Variants in TG observed in about 807,000 individuals in gnomAD.
The protein encoded by TG is thyroglobulin.
Under a neutral mutation model 324.7 loss-of-function variants are expected in TG, and 270 were observed. That is an observed-to-expected ratio of 0.83 (90% CI 0.75 to 0.92). The LOEUF is 0.92. TG is among the 40% of genes least tolerant of loss of function. TG has a pLI of 0.00. For missense variants in TG, 3,591 were observed against 3,456.4 expected, an observed-to-expected ratio of 1.04 and a Z score of -0.98; for synonymous variants, 1,401 against 1,327.0, an observed-to-expected ratio of 1.06 and a Z score of -1.21.
At chr8:133,043,531 C>G in intron 41 of TG, among the ~76,000 whole-genome samples, 1 of 152,230 alleles carries the variant, frequency 6.6e-6, no homozygotes, top group East Asian at 1.9e-4. Flanking sequence ...GCTGAACGCA[C>G]TACATGAACG....
intron 41 of TG, among the ~76,000 whole-genome samples, chr8:133,042,736 C>G (rs1280939047): frequency 8.4e-6 from 1 of 119,266 alleles, no homozygotes; most frequent in Non-Finnish European, 1.6e-5. Context: ...CTCTGCCACA[C>G]AAGCTGGAGT....
chr8:132,925,174 T>A (rs1821663718), intron 22 of TG, among the ~76,000 whole-genome samples: 1 of 152,352 alleles, frequency 6.6e-6, no homozygotes, highest in African/African-American at 2.4e-5. Flanking sequence ...ATTGCCAATA[T>A]TTTAGCTGAG....
At position 132,869,710 on chromosome 8, in the gene TG, G is replaced by C; in HGVS notation, c.177-19G>C. 2 of 1,612,856 alleles carry C rather than the reference G, an allele frequency of 1.2e-6. No individual in the cohort carries two copies. The highest frequency in any genetic ancestry group is 2.2e-5 in the East Asian group (1 of 44,870). On this transcript the variant is annotated intron_variant, in intron 2 of 47. Transcript: ENST00000220616. The stretch of plus-strand genomic sequence containing the variant: ...TGGGGGCCCATCCCAGGGTCACCTG[G>C]TCTGTGTCTCCTCCTCAGGACTGTC...
rs557205298 is a variant in TG, at chr8:132,974,208, G to A, written c.6199+1467G>A. ...GGGATTTCACCATGTTAGCCAGGGT[G>A]GCCTTGAACTCCTGACCTCAGGTGA... On this transcript the variant is annotated intron_variant, in intron 34 of 47. Coordinates refer to ENST00000220616, the MANE Select transcript of TG (RefSeq NM_003235.5). 2.0e-5 allele frequency among the ~76,000 whole-genome samples: 3 copies of A among 152,050 alleles called. 1 individual carries two copies. In the South Asian group the frequency reaches 6.2e-4, roughly 32 times the overall value.
intron 41 of TG, among the ~76,000 whole-genome samples, chr8:133,065,768 T>C (rs1445900385): frequency 1.3e-5 from 2 of 150,692 alleles, no homozygotes; most frequent in Non-Finnish European, 3.0e-5. Context: ...GTCTCAAAAA[T>C]AATAAAATAA....
intron 25 of TG, among the ~76,000 whole-genome samples, chr8:132,936,251 G>A (rs1005969328): frequency 1.3e-5 from 2 of 152,196 alleles, no homozygotes; most frequent in African/African-American, 4.8e-5. Context: ...AGGCCCATGC[G>A]GCCCAAGAGG....
At chr8:132,880,215 T>C (rs1324895608) in intron 5 of TG, among the ~76,000 whole-genome samples, 1 of 152,206 alleles carries the variant, frequency 6.6e-6, no homozygotes, top group Non-Finnish European at 1.5e-5. Context: ...ACCCTAGTTC[T>C]CACCACTAGT....
chr8:132,969,298 T>C (rs950736559), intron 31 of TG, among the ~76,000 whole-genome samples, 160 bp from the exon 32 acceptor site: 1 of 152,192 alleles, frequency 6.6e-6, no homozygotes, highest in African/African-American at 2.4e-5. Context: ...GGACTTGCCA[T>C]CATTTTAGTG....
At chr8:132,925,522 T>C (rs970238281) in intron 22 of TG, among the ~76,000 whole-genome samples, 3 of 150,832 alleles carry the variant, frequency 2.0e-5, no homozygotes, top group African/African-American at 4.9e-5. Context: ...AGTGCGTGTG[T>C]GTGTGTGTGT....
chr8:132,928,501 C>G (rs1046962146), intron 22 of TG, among the ~76,000 whole-genome samples: 2 of 152,116 alleles, frequency 1.3e-5, no homozygotes, highest in Non-Finnish European at 2.9e-5. Flanking sequence ...CCTCACTTGT[C>G]TAGTTTTATG....
At chr8:133,049,789 T>C (rs1840069862) in intron 41 of TG, 2 of 788,892 alleles carry the variant, frequency 2.5e-6, no homozygotes, top group Admixed American at 1.9e-5. Flanking sequence ...GGACTATCTC[T>C]TCTTGACCCA....
At chr8:133,112,607 G>A (rs1850352200) in intron 43 of TG, among the ~76,000 whole-genome samples, 1 of 151,734 alleles carries the variant, frequency 6.6e-6, no homozygotes, top group South Asian at 2.1e-4. Context: ...GGAAGGGAGA[G>A]AAAAGGGGAA....
chr8:132,989,624 C>T (rs1298554422), intron 35 of TG, among the ~76,000 whole-genome samples: 2 of 152,198 alleles, frequency 1.3e-5, no homozygotes, highest in Non-Finnish European at 1.5e-5. Flanking sequence ...GCAGTGGCTG[C>T]CCCAACAGCT....
Position 132,941,458 on chromosome 8 carries a change from C to G in TG, c.5149C>G (p.Leu1717Val), listed in dbSNP as rs776192234. The change falls in exon 26 of 48, where the codon CTA (leucine) becomes GTA (valine). Residue 1717 changes from leucine (L) to valine (V), a missense_variant. Transcript: ENST00000220616. ...PIVFSASGAN[L>V]TDAHLFCLLA... ...TGTGTTCTCAGCCTCAGGAGCCAAT[C>G]TAACCGATGCTCACCTCTTCTGTCT... The G allele has an allele frequency of 6.2e-7, 1 of 1,614,210 alleles. No homozygotes were observed. Among genetic ancestry groups the G allele is most frequent in the South Asian group, 1.1e-5 (1 of 91,080 alleles).
Position 132,923,637 on chromosome 8 carries a change from G to A in TG, c.4699+129G>A, listed in dbSNP as rs192329743. On this transcript the variant is annotated intron_variant, in intron 22 of 47. Coordinates refer to ENST00000220616, the MANE Select transcript of TG (RefSeq NM_003235.5). ...TTTTTGTTTTGAAAAATTTTAATCT[G>A]TGTAGAAGTTGGAAGAACCGCAAAA... The A allele has an allele frequency of 5.4e-4, 623 of 1,161,656 alleles. 7 individuals are homozygous for A. The African/African-American group carries it at 8.6e-3, about 16-fold the overall frequency. 72.0% of individuals were successfully genotyped at this position (1,161,656 alleles called of 1,614,324 possible).
intron 5 of TG, among the ~76,000 whole-genome samples, chr8:132,873,990 G>A (rs998320111): frequency 2.0e-5 from 3 of 152,052 alleles, no homozygotes; most frequent in Admixed American, 6.6e-5. Context: ...CCAATATGGC[G>A]AAACCCCATC....
At chr8:132,978,257 T>A (rs1312194909) in intron 34 of TG, among the ~76,000 whole-genome samples, 4 of 152,062 alleles carry the variant, frequency 2.6e-5, no homozygotes, top group African/African-American at 9.7e-5. Flanking sequence ...GAGGTGCCAG[T>A]CTCTTTTAAA....
At chr8:132,929,006 T>C in intron 22 of TG, 70 bp from the exon 23 acceptor site, 1 of 1,291,374 alleles carries the variant, frequency 7.7e-7, no homozygotes, top group Non-Finnish European at 1.1e-6. Context: ...GACCTAACAG[T>C]CTTTATGGCT....
At chr8:133,095,250 C>A in intron 42 of TG, 42 bp downstream of exon 42, 1 of 1,613,776 alleles carries the variant, frequency 6.2e-7, no homozygotes, top group South Asian at 1.1e-5. Flanking sequence ...ATTCTCTGGT[C>A]TTTTACAAAT....
Sources: allele counts gnomAD v4.1 joint callset (sites outside exome capture counted in the v4.1 genomes callset), GRCh38; gene constraint gnomAD v4.1.1; transcripts MANE v1.5; gene names NCBI Gene and HGNC (gene_info 2026-07-23, HGNC 2026-07-21).